Variants in KIAA1549L observed in about 807,000 individuals in gnomAD.
KIAA1549L encodes UPF0606 protein KIAA1549L.
Under a neutral mutation model 160.7 loss-of-function variants are expected in KIAA1549L, and 88 were observed. That is an observed-to-expected ratio of 0.55 (90% confidence interval 0.46 to 0.65). The LOEUF (loss-of-function observed/expected upper bound fraction) is 0.65. Among genes scored for constraint, KIAA1549L ranks in the 30% least tolerant of loss-of-function variants. The pLI, the probability that KIAA1549L is intolerant of heterozygous loss-of-function variation, is 0.00. For missense variants in KIAA1549L, 2,258 were observed against 2,437.5 expected (o/e 0.93, Z 1.55); for synonymous variants, 950 against 976.7 (o/e 0.97, Z 0.51).
chr11:33,459,957 T>G, intron 1 of KIAA1549L, among the ~76,000 whole-genome samples: 1 of 28,722 alleles, frequency 3.5e-5, no homozygotes, highest in Non-Finnish European at 6.9e-5. Flanking sequence ...CGAGACTCCG[T>G]CTCAAAAAAA....
intron 1 of KIAA1549L, among the ~76,000 whole-genome samples, chr11:33,499,610 G>T (rs140898187): frequency 6.6e-6 from 1 of 152,160 alleles, no homozygotes; most frequent in Non-Finnish European, 1.5e-5. Flanking sequence ...CCATCTCTCC[G>T]TCTGGGTTTT....
At position 33,542,220 on chromosome 11, in the gene KIAA1549L, A is replaced by G; in HGVS notation, c.657A>G (p.Pro219=). The part of the protein sequence containing the change: ...PSGTSFSAVP[P]SQPVWAGTSS... Reference sequence around the variant, plus strand: ...GGACATCCTTCAGTGCTGTCCCCCCATCCCAGCCAGTATGGGCAGGGACTT... The same window carrying G: ...GGACATCCTTCAGTGCTGTCCCCCCGTCCCAGCCAGTATGGGCAGGGACTT... The change falls in exon 2 of 21, where the codon CCA becomes CCG. Residue 219 remains proline, a synonymous_variant. Coordinates refer to ENST00000658780, the MANE Select transcript of KIAA1549L (RefSeq NM_012194.3). The G allele has an allele frequency of 6.1e-6, 4 of 657,090 alleles. No individual in the cohort carries two copies. The East Asian group carries it at 1.2e-4, about 19-fold the overall frequency. 40.7% of individuals were successfully genotyped at this position (657,090 alleles called of 1,614,324 possible).
At chr11:33,415,541 C>G (rs1226261792) in intron 1 of KIAA1549L, among the ~76,000 whole-genome samples, 1 of 152,180 alleles carries the variant, frequency 6.6e-6, no homozygotes, top group Non-Finnish European at 1.5e-5. Context: ...AAGGCGTGAA[C>G]TCAAACACTG....
chr11:33,456,560 G>A (rs529938193), intron 1 of KIAA1549L, among the ~76,000 whole-genome samples: 1 of 152,158 alleles, frequency 6.6e-6, no homozygotes, highest in Admixed American at 6.5e-5. Context: ...ACAGACATGA[G>A]CCACCACCCC....
intron 1 of KIAA1549L, among the ~76,000 whole-genome samples, chr11:33,475,834 G>C (rs1165775564): frequency 6.6e-6 from 1 of 152,158 alleles, no homozygotes; most frequent in African/African-American, 2.4e-5. Context: ...TTCAGCCTGG[G>C]TGACAGAGTG....
chr11:33,457,932 C>T (rs898290421), intron 1 of KIAA1549L, among the ~76,000 whole-genome samples: 4 of 152,184 alleles, frequency 2.6e-5, no homozygotes, highest in African/African-American at 9.6e-5. Context: ...TTCTACAGTC[C>T]AGAACGTATG....
intron 1 of KIAA1549L, among the ~76,000 whole-genome samples, chr11:33,384,461 G>A (rs150599381): frequency 1.8e-3 from 280 of 152,288 alleles, no homozygotes; most frequent in Middle Eastern, 6.8e-3. Context: ...GCCTAGGGGT[G>A]GGATTGCTTG....
At chr11:33,511,450 G>A (rs1024894926) in intron 1 of KIAA1549L, among the ~76,000 whole-genome samples, 58 of 152,344 alleles carry the variant, frequency 3.8e-4, no homozygotes, top group Admixed American at 2.5e-3. Flanking sequence ...CTGGCCCTCA[G>A]TAAAATTAAT....
intron 10 of KIAA1549L, among the ~76,000 whole-genome samples, chr11:33,579,913 C>T (rs1040428522): frequency 6.6e-6 from 1 of 152,186 alleles, no homozygotes; most frequent in South Asian, 2.1e-4. Flanking sequence ...CCAGTAGTTT[C>T]AAGATCAGCC....
At chr11:33,393,119 C>A (rs532527346) in intron 1 of KIAA1549L, among the ~76,000 whole-genome samples, 1,526 of 152,310 alleles carry the variant, frequency 0.01, 79 homozygotes, top group Admixed American at 0.08. Flanking sequence ...AATCTGGGTC[C>A]TTTATGAATG....
intron 1 of KIAA1549L, among the ~76,000 whole-genome samples, chr11:33,453,382 A>G (rs1851760322): frequency 6.6e-6 from 1 of 152,220 alleles, no homozygotes; most frequent in Admixed American, 6.5e-5. Flanking sequence ...GGGATGCCTC[A>G]AGTTGATTAT....
chr11:33,409,979 T>C (rs1034622694), intron 1 of KIAA1549L, among the ~76,000 whole-genome samples: 7 of 152,182 alleles, frequency 4.6e-5, no homozygotes, highest in African/African-American at 1.4e-4. Flanking sequence ...ATCTTGTTTT[T>C]TTTCTGACGT....
At chr11:33,567,851 C>T (rs1274775949) in intron 8 of KIAA1549L, among the ~76,000 whole-genome samples, 1 of 152,202 alleles carries the variant, frequency 6.6e-6, no homozygotes, top group Non-Finnish European at 1.5e-5. Context: ...TTGCTAGCTG[C>T]GTGACCTCAG....
intron 10 of KIAA1549L, among the ~76,000 whole-genome samples, chr11:33,578,960 T>C (rs1855547433): frequency 6.6e-6 from 1 of 152,206 alleles, no homozygotes; most frequent in East Asian, 1.9e-4. Flanking sequence ...GTTCTATTCT[T>C]GTGAAGGCAA....
intron 1 of KIAA1549L, among the ~76,000 whole-genome samples, chr11:33,503,061 A>G (rs1852988751): frequency 6.6e-6 from 1 of 152,226 alleles, no homozygotes; most frequent in African/African-American, 2.4e-5. Context: ...TGTAATTAGC[A>G]CCTAGATCAA....
At chr11:33,577,639 C>T (rs1043254160) in intron 10 of KIAA1549L, among the ~76,000 whole-genome samples, 1 of 152,090 alleles carries the variant, frequency 6.6e-6, no homozygotes, top group African/African-American at 2.4e-5. Flanking sequence ...GAAATGAAGT[C>T]GGCAGCTGAA....
chr11:33,508,182 C>A (rs922277378), intron 1 of KIAA1549L, among the ~76,000 whole-genome samples: 1 of 152,240 alleles, frequency 6.6e-6, no homozygotes, highest in Admixed American at 6.5e-5. Flanking sequence ...CATAAAACCT[C>A]TGCTGCAAGG....
intron 1 of KIAA1549L, among the ~76,000 whole-genome samples, chr11:33,461,137 C>G (rs1851932851): frequency 6.6e-6 from 1 of 151,754 alleles, no homozygotes; most frequent in African/African-American, 2.4e-5. Flanking sequence ...TTATGTTTTC[C>G]TAAGAAATGG....
At chr11:33,425,948 G>T (rs77783778) in intron 1 of KIAA1549L, among the ~76,000 whole-genome samples, 2 of 152,088 alleles carry the variant, frequency 1.3e-5, no homozygotes, top group Non-Finnish European at 2.9e-5. Context: ...CAAAATACCT[G>T]ACTAGTCAGT....
Sources: gnomAD v4.1 joint callset for allele counts (sites outside exome capture counted in the v4.1 genomes callset) on GRCh38, gnomAD v4.1.1 for gene constraint, MANE v1.5 for transcripts, NCBI Gene and HGNC (gene_info 2026-07-23, HGNC 2026-07-21) for gene names.